SLC25A21: variants seen among roughly 807,000 people sequenced by gnomAD.
SLC25A21 encodes mitochondrial 2-oxodicarboxylate carrier.
Under a neutral mutation model 43.8 loss-of-function variants are expected in SLC25A21, and 47 were observed. The observed-to-expected ratio is 1.07, with a 90% confidence interval of 0.85 to 1.37. SLC25A21 has a LOEUF of 1.37. Ranked by LOEUF, SLC25A21 falls within the 40% of genes most tolerant of loss-of-function variation. SLC25A21 has a pLI of 0.00. For missense variants in SLC25A21, 352 were observed against 350.2 expected, an observed-to-expected ratio of 1.00 and a Z score of -0.04; for synonymous variants, 131 against 121.3, an observed-to-expected ratio of 1.08 and a Z score of -0.52.
chr14:37,065,702 T>G (rs1397988048), intron 1 of SLC25A21, among the ~76,000 whole-genome samples: 2 of 152,220 alleles, frequency 1.3e-5, no homozygotes, highest in Non-Finnish European at 2.9e-5. Flanking sequence ...ATGTGCAGAC[T>G]GAATTTACAT....
chr14:37,005,036 C>T (rs959647708), intron 1 of SLC25A21, among the ~76,000 whole-genome samples: 2 of 151,508 alleles, frequency 1.3e-5, no homozygotes, highest in Non-Finnish European at 2.9e-5. Flanking sequence ...CTCAACCAGC[C>T]GTCCAATGGG....
intron 1 of SLC25A21, among the ~76,000 whole-genome samples, chr14:37,100,854 G>A (rs570839789): frequency 6.6e-6 from 1 of 152,280 alleles, no homozygotes; most frequent in East Asian, 1.9e-4. Context: ...TGGGTGATTG[G>A]GGGGTTGTAG....
chr14:36,717,844 G>GATAT (rs1458217636), intron 6 of SLC25A21, among the ~76,000 whole-genome samples: 1 of 152,114 alleles, frequency 6.6e-6, no homozygotes, highest in Non-Finnish European at 1.5e-5. Flanking sequence ...ATAAAATGTG[G>GATAT]ATAAAGCCAT....
At chr14:36,813,364 C>G (rs960915167) in intron 3 of SLC25A21, among the ~76,000 whole-genome samples, 1 of 79,546 alleles carries the variant, frequency 1.3e-5, no homozygotes, top group Admixed American at 1.6e-4. Context: ...TCGGACGCAT[C>G]AATTTTTTTT....
chr14:37,106,144 C>T (rs1962907277), intron 1 of SLC25A21, among the ~76,000 whole-genome samples: 1 of 151,518 alleles, frequency 6.6e-6, no homozygotes, highest in Non-Finnish European at 1.5e-5. Context: ...TGTGTTTGAA[C>T]AATATGAAAT....
intron 1 of SLC25A21, among the ~76,000 whole-genome samples, chr14:36,971,293 G>C (rs1959742723): frequency 6.6e-6 from 1 of 152,158 alleles, no homozygotes; most frequent in African/African-American, 2.4e-5. Flanking sequence ...AGACAAACAA[G>C]CTAGAAGCTT....
intron 1 of SLC25A21, among the ~76,000 whole-genome samples, chr14:37,071,923 T>A (rs1245042893): frequency 1.3e-5 from 2 of 152,132 alleles, no homozygotes; most frequent in East Asian, 3.8e-4. Context: ...GGCTCACGTC[T>A]ATAATCCCAG....
intron 2 of SLC25A21, among the ~76,000 whole-genome samples, chr14:36,861,467 C>T (rs1890062985): frequency 6.6e-6 from 1 of 152,206 alleles, no homozygotes. Context: ...GTTTTCTTCT[C>T]TCAAGCAGCC....
chr14:37,116,029 C>A (rs1963099958), intron 1 of SLC25A21, among the ~76,000 whole-genome samples: 1 of 151,492 alleles, frequency 6.6e-6, no homozygotes, highest in Non-Finnish European at 1.5e-5. Flanking sequence ...TGAACTTGTC[C>A]CAGGGAACAA....
At chr14:36,882,219 C>G (rs889005712) in intron 1 of SLC25A21, among the ~76,000 whole-genome samples, 1 of 151,992 alleles carries the variant, frequency 6.6e-6, no homozygotes, top group Non-Finnish European at 1.5e-5. Flanking sequence ...CCCATCTCTA[C>G]AAAAAATACA....
At chr14:36,726,566 G>C (rs1884609834) in intron 5 of SLC25A21, among the ~76,000 whole-genome samples, 1 of 152,206 alleles carries the variant, frequency 6.6e-6, no homozygotes, top group South Asian at 2.1e-4. Context: ...TGTATGTCAA[G>C]TTCTTATTCG....
intron 1 of SLC25A21, among the ~76,000 whole-genome samples, chr14:37,011,677 T>C (rs539180138): frequency 2.0e-5 from 3 of 152,206 alleles, no homozygotes; most frequent in East Asian, 3.9e-4. Flanking sequence ...GTTTATAGAG[T>C]GTATGCGCCA....
chr14:37,025,461 C>T (rs1251737789), intron 1 of SLC25A21, among the ~76,000 whole-genome samples: 1 of 152,136 alleles, frequency 6.6e-6, no homozygotes, highest in African/African-American at 2.4e-5. Flanking sequence ...AGATGTGTCG[C>T]TAATGCTCCG....
At chr14:36,930,396 T>C (rs1451024009) in intron 1 of SLC25A21, among the ~76,000 whole-genome samples, 1 of 152,152 alleles carries the variant, frequency 6.6e-6, no homozygotes, top group African/African-American at 2.4e-5. Context: ...AAATCAGTAA[T>C]CTGGGAGTCA....
chr14:36,696,981 C>T (rs376715493), intron 7 of SLC25A21, among the ~76,000 whole-genome samples: 9 of 152,060 alleles, frequency 5.9e-5, no homozygotes, highest in African/African-American at 2.2e-4. Context: ...TTCATTCTCT[C>T]GTTCTTTTAA....
chr14:36,759,884 T>G (rs187862430), intron 3 of SLC25A21, among the ~76,000 whole-genome samples: 1 of 152,004 alleles, frequency 6.6e-6, no homozygotes, highest in Non-Finnish European at 1.5e-5. Flanking sequence ...AGGAGAATCG[T>G]TTGAACCCAG....
chr14:37,162,913 T>C (rs1180447684), intron 1 of SLC25A21, among the ~76,000 whole-genome samples: 3 of 152,154 alleles, frequency 2.0e-5, no homozygotes, highest in South Asian at 4.1e-4. Context: ...AATGATAGAC[T>C]GGATTAAGAA....
intron 1 of SLC25A21, among the ~76,000 whole-genome samples, chr14:37,067,595 A>T (rs1448447391): frequency 6.6e-6 from 1 of 152,208 alleles, no homozygotes; most frequent in Non-Finnish European, 1.5e-5. Context: ...CTGAGATGCA[A>T]GAAGTAATGA....
At position 36,992,191 on chromosome 14, in the gene SLC25A21, T is replaced by C. The variant is rs149014159; in HGVS notation, c.71-117187A>G. On this transcript the variant is annotated intron_variant, in intron 1 of 9. Transcript: ENST00000331299. ...TGGGTGGACCCGTGCACCCTCCAAA[T>C]GGATAAAACTCCCATGTGGACAGAT... is the stretch of plus-strand genomic sequence containing the variant. Among the ~76,000 whole-genome samples the C allele has an allele frequency of 4.7e-4, 72 of 152,256 alleles. No individual in the cohort carries two copies. In the East Asian group the frequency reaches 0.014, roughly 30 times the overall value.
Sources: gnomAD v4.1 joint callset for allele counts (sites outside exome capture counted in the v4.1 genomes callset) on GRCh38, gnomAD v4.1.1 for gene constraint, MANE v1.5 for transcripts, NCBI Gene and HGNC (gene_info 2026-07-23, HGNC 2026-07-21) for gene names.